The following CDH13 variants were observed in gnomAD, a reference collection of about 807,000 sequenced individuals.
The protein encoded by CDH13 is cadherin 13, also known as cadherin-13.
In CDH13, 24 loss-of-function variants were observed where a neutral mutation model predicts 63.8. The ratio of observed to expected loss-of-function variants is 0.38; its 90% CI spans 0.27 to 0.53. The LOEUF (loss-of-function observed/expected upper bound fraction) is 0.53, where lower values mean the gene tolerates loss of function less well. Among genes scored for constraint, CDH13 ranks in the 20% least tolerant of loss-of-function variants. CDH13 has a pLI of 0.85. For synonymous variants in CDH13, 503 were observed against 355.3 expected, an observed-to-expected ratio of 1.42 and a Z score of -4.67; for missense variants, 1,049 against 903.1, an observed-to-expected ratio of 1.16 and a Z score of -2.07.
chr16:83,352,457 G>T (rs1350766043), intron 6 of CDH13, among the ~76,000 whole-genome samples: 1 of 152,100 alleles, frequency 6.6e-6, no homozygotes, highest in Non-Finnish European at 1.5e-5. Context: ...CAGCAATCCT[G>T]CTACTACTGG....
intron 6 of CDH13, among the ~76,000 whole-genome samples, chr16:83,359,948 T>C (rs2091130912): frequency 6.6e-6 from 1 of 152,222 alleles, no homozygotes; most frequent in Non-Finnish European, 1.5e-5. Flanking sequence ...CGTCGTTCCT[T>C]ATAGTCTTAG....
intron 1 of CDH13, among the ~76,000 whole-genome samples, chr16:82,795,917 C>T (rs1191596285): frequency 6.7e-6 from 1 of 150,370 alleles, no homozygotes; most frequent in Non-Finnish European, 1.5e-5. Context: ...TCGCTTAACA[C>T]AGTGGAAAAA....
At chr16:83,090,829 C>T (rs1567820072) in intron 3 of CDH13, among the ~76,000 whole-genome samples, 1 of 151,494 alleles carries the variant, frequency 6.6e-6, no homozygotes, top group Admixed American at 6.6e-5. Flanking sequence ...AAAACAAATC[C>T]GGAAACATAC....
At chr16:83,652,629 T>C (rs1912494733) in intron 8 of CDH13, among the ~76,000 whole-genome samples, 1 of 152,168 alleles carries the variant, frequency 6.6e-6, no homozygotes, top group Admixed American at 6.5e-5. Flanking sequence ...TTCTCAAATA[T>C]TGCCTTTCCT....
At chr16:83,202,126 A>G (rs1236482622) in intron 4 of CDH13, among the ~76,000 whole-genome samples, 1 of 152,094 alleles carries the variant, frequency 6.6e-6, no homozygotes, top group African/African-American at 2.4e-5. Context: ...TCAAGCTGGT[A>G]AGACTTCAAA....
chr16:83,256,446 G>T (rs1906269822), intron 5 of CDH13, among the ~76,000 whole-genome samples: 1 of 152,028 alleles, frequency 6.6e-6, no homozygotes, highest in Non-Finnish European at 1.5e-5. Context: ...TTCTAATGAG[G>T]CTACAAGAGC....
intron 11 of CDH13, among the ~76,000 whole-genome samples, chr16:83,774,720 T>C (rs57358263): frequency 0.37 from 56,045 of 151,816 alleles, 10,499 homozygotes; most frequent in Non-Finnish European, 0.39. Context: ...CTTACATGGG[T>C]TCCCCAGAGT....
intron 2 of CDH13, among the ~76,000 whole-genome samples, chr16:82,950,246 T>G (rs1905154212): frequency 6.6e-6 from 1 of 152,148 alleles, no homozygotes; most frequent in African/African-American, 2.4e-5. Flanking sequence ...CCTTAGCTTA[T>G]AGCCGCATCA....
chr16:83,575,045 T>C (rs1431559915), intron 7 of CDH13, among the ~76,000 whole-genome samples: 4 of 152,074 alleles, frequency 2.6e-5, no homozygotes, highest in African/African-American at 9.7e-5. Flanking sequence ...GTCCATACAA[T>C]AGAATATTAT....
chr16:83,169,321 C>T (rs538135835), intron 4 of CDH13, among the ~76,000 whole-genome samples: 2 of 151,966 alleles, frequency 1.3e-5, no homozygotes, highest in African/African-American at 2.4e-5. Context: ...GGACTACAGG[C>T]GCCTGCCACC....
intron 5 of CDH13, among the ~76,000 whole-genome samples, chr16:83,281,139 C>T (rs532828066): frequency 6.6e-6 from 1 of 152,090 alleles, no homozygotes; most frequent in South Asian, 2.1e-4. Context: ...AAGGCTGTCT[C>T]ATCTACACTG....
intron 6 of CDH13, among the ~76,000 whole-genome samples, chr16:83,441,933 G>C (rs1296373799): frequency 1.3e-5 from 2 of 152,108 alleles, no homozygotes; most frequent in African/African-American, 4.8e-5. Context: ...TATGAGGTAG[G>C]GATTATTAAG....
intron 2 of CDH13, among the ~76,000 whole-genome samples, chr16:82,936,440 C>G (rs898939196): frequency 3.9e-5 from 6 of 152,166 alleles, no homozygotes; most frequent in Middle Eastern, 6.8e-3. Context: ...TGAGGTAGAA[C>G]AGTTTCAACC....
chr16:83,232,227 TA>T (rs1555516432), intron 5 of CDH13, among the ~76,000 whole-genome samples: 9 of 67,636 alleles, frequency 1.3e-4, no homozygotes, highest in African/African-American at 4.7e-4. Context: ...TTTTTTTTTT[TA>T]AAAAAAAAAA....
chr16:83,667,042 A>G (rs1319689129), intron 8 of CDH13, among the ~76,000 whole-genome samples: 11 of 138,670 alleles, frequency 7.9e-5, no homozygotes, highest in African/African-American at 2.7e-4. Context: ...TGGATGGATG[A>G]ATGGAAGGAT....
chr16:83,622,509 T>C (rs1567460846), intron 8 of CDH13, among the ~76,000 whole-genome samples: 3 of 152,336 alleles, frequency 2.0e-5, no homozygotes, highest in Non-Finnish European at 4.4e-5. Context: ...TTCATGTGCG[T>C]ATCTACTTTA....
chr16:82,963,524 G>A (rs545628166), intron 2 of CDH13, among the ~76,000 whole-genome samples: 71 of 152,262 alleles, frequency 4.7e-4, no homozygotes, highest in Non-Finnish European at 8.1e-4. Flanking sequence ...CACTTTTTAA[G>A]TGACTCTGTT....
intron 6 of CDH13, among the ~76,000 whole-genome samples, chr16:83,421,115 C>G (rs2071701951): frequency 2.0e-5 from 3 of 152,090 alleles, no homozygotes; most frequent in South Asian, 4.1e-4. Context: ...AGAACAAGGG[C>G]TACATCTAGA....
At chr16:83,702,855 C>A (rs1033402680) in intron 10 of CDH13, among the ~76,000 whole-genome samples, 1 of 152,200 alleles carries the variant, frequency 6.6e-6, no homozygotes, top group Admixed American at 6.5e-5. Flanking sequence ...CAAGCCACAG[C>A]AACATTTGCT....
Sources: allele counts gnomAD v4.1 joint callset (sites outside exome capture counted in the v4.1 genomes callset), GRCh38; gene constraint gnomAD v4.1.1; transcripts MANE v1.5; gene names NCBI Gene and HGNC (gene_info 2026-07-23, HGNC 2026-07-21).